TBX15: variants seen among roughly 807,000 people sequenced by gnomAD.
TBX15 encodes the protein T-box transcription factor 15.
In TBX15, 18 loss-of-function variants were observed where a neutral mutation model predicts 53.9. That is an observed-to-expected ratio of 0.33 (90% CI 0.23 to 0.49). The LOEUF (loss-of-function observed/expected upper bound fraction) is 0.49, where lower values mean the gene tolerates loss of function less well. Ranked by LOEUF, TBX15 falls within the 20% of genes least tolerant of loss-of-function variation. The pLI, the probability that TBX15 is intolerant of heterozygous loss-of-function variation, is 0.98. For synonymous variants in TBX15, 295 were observed against 278.0 expected (o/e 1.06, Z -0.61); for missense variants, 692 against 749.5 (o/e 0.92, Z 0.90).
chr1:118,889,137 C>T (rs1222406764), intron 7 of TBX15, among the ~76,000 whole-genome samples: 3 of 152,160 alleles, frequency 2.0e-5, no homozygotes, highest in African/African-American at 4.8e-5. Context: ...GAAAAGGTCA[C>T]CTTGCTTCCA....
chr1:118,902,064 A>C (rs781351689), intron 6 of TBX15, among the ~76,000 whole-genome samples: 10 of 152,076 alleles, frequency 6.6e-5, no homozygotes, highest in Non-Finnish European at 1.0e-4. Context: ...AATATATCCT[A>C]CATAGCATAT....
At chr1:118,987,553 C>T (rs1411130932) in intron 1 of TBX15, 38 bp downstream of exon 1, 4 of 1,533,250 alleles carry the variant, frequency 2.6e-6, no homozygotes, top group East Asian at 2.5e-5. Context: ...GGCGTCCCCT[C>T]TCCGCCCGCC....
At chr1:118,986,093 C>T (rs1418092370) in intron 1 of TBX15, among the ~76,000 whole-genome samples, 3 of 152,208 alleles carry the variant, frequency 2.0e-5, no homozygotes, top group Non-Finnish European at 4.4e-5. Flanking sequence ...CTGTTTTTTC[C>T]GCCGTGGGGA....
Position 118,884,487 on chromosome 1 carries a change from T to C in TBX15, c.*245A>G. ...GGCCACTCTGGAACAGACAATGCTT[T>C]ATAAAACTAAGGTCTGGGAAGGCAG... On this transcript the variant is annotated 3_prime_UTR_variant, in exon 8 of 8. Transcript: ENST00000369429. 1.8e-6 allele frequency: 1 copy of C among 556,904 alleles called. No homozygotes were observed. The highest frequency in any genetic ancestry group is 2.1e-5 in the South Asian group (1 of 47,812). 34.5% of individuals were successfully genotyped at this position (556,904 alleles called of 1,614,324 possible). A position where few individuals can be genotyped will look rare whatever the true frequency, so the allele number is the denominator to read the frequency against.
intron 7 of TBX15, among the ~76,000 whole-genome samples, chr1:118,892,010 G>C (rs1417035567): frequency 3.9e-5 from 6 of 152,144 alleles, no homozygotes. Context: ...CTGGAAGAGA[G>C]AGAAATAAAA....
intron 5 of TBX15, among the ~76,000 whole-genome samples, chr1:118,920,157 T>A (rs1386577858): frequency 6.6e-6 from 1 of 152,186 alleles, no homozygotes; most frequent in East Asian, 1.9e-4. Context: ...TTCTACATCA[T>A]ACTGTTTATT....
chr1:118,899,307 A>G (rs1654537761), intron 6 of TBX15, among the ~76,000 whole-genome samples, 182 bp from the exon 7 acceptor site: 1 of 152,170 alleles, frequency 6.6e-6, no homozygotes, highest in African/African-American at 2.4e-5. Flanking sequence ...CAGGGGGAAT[A>G]ACAAATTAAC....
chr1:118,918,916 T>C (rs528273907), intron 5 of TBX15, among the ~76,000 whole-genome samples: 1 of 152,314 alleles, frequency 6.6e-6, no homozygotes, highest in East Asian at 1.9e-4. Context: ...TTTTATTTCA[T>C]ACTATATTGC....
chr1:118,979,033 ATTCGGAGCCCTGTATC>A (rs1657546437), intron 1 of TBX15, among the ~76,000 whole-genome samples: 1 of 152,168 alleles, frequency 6.6e-6, no homozygotes, highest in South Asian at 2.1e-4. Context: ...TAGGTTTACA[ATTCGGAGCCCTGTATC>A]CTGGAGAGAT....
intron 1 of TBX15, among the ~76,000 whole-genome samples, chr1:118,965,700 G>T (rs1330835726): frequency 6.6e-6 from 1 of 152,016 alleles, no homozygotes; most frequent in African/African-American, 2.4e-5. Context: ...TAAACATTAT[G>T]AAAGATCCAC....
At chr1:118,939,482 T>G (rs1238423428) in intron 1 of TBX15, among the ~76,000 whole-genome samples, 1 of 140,472 alleles carries the variant, frequency 7.1e-6, no homozygotes, top group Non-Finnish European at 1.5e-5. Flanking sequence ...CTTTTATAAG[T>G]GAGAGCTAAA....
At position 118,924,558 on chromosome 1, in the gene TBX15, T is replaced by C. The variant is rs189451226; in HGVS notation, c.693+88A>G. ...AAAGTGGCATAGAGATTCCTTATTT[T>C]ACCTATTTGAAAAAGACTGGGGCTA... On this transcript the variant is annotated intron_variant, in intron 4 of 7. Coordinates refer to ENST00000369429, the MANE Select transcript of TBX15 (RefSeq NM_001330677.2). 4.0e-6 allele frequency: 6 copies of C among 1,500,454 alleles called. No individual in the cohort carries two copies. In the East Asian group the frequency reaches 1.4e-4, roughly 34 times the overall value. 92.9% of individuals were successfully genotyped at this position (1,500,454 alleles called of 1,614,324 possible). A position where few individuals can be genotyped will look rare whatever the true frequency, so the allele number is the denominator to read the frequency against.
intron 6 of TBX15, among the ~76,000 whole-genome samples, chr1:118,911,391 G>A (rs1048844729): frequency 2.0e-5 from 3 of 152,100 alleles, no homozygotes; most frequent in African/African-American, 2.4e-5. Flanking sequence ...ATGGATTAAC[G>A]AAGATCCATA....
intron 1 of TBX15, among the ~76,000 whole-genome samples, chr1:118,954,917 G>A (rs1185668153): frequency 2.6e-5 from 4 of 152,242 alleles, no homozygotes; most frequent in Admixed American, 2.6e-4. Context: ...ACCATAAAGA[G>A]GGAAGAGTCC....
At chr1:118,900,396 TC>T (rs1366615518) in intron 6 of TBX15, among the ~76,000 whole-genome samples, 1 of 152,182 alleles carries the variant, frequency 6.6e-6, no homozygotes, top group Non-Finnish European at 1.5e-5. Context: ...AGAACAAATA[TC>T]CTTTACTTAT....
intron 1 of TBX15, among the ~76,000 whole-genome samples, chr1:118,965,349 G>C (rs1179451910): frequency 6.6e-6 from 1 of 152,156 alleles, no homozygotes; most frequent in Admixed American, 6.5e-5. Context: ...GAACAGAAGA[G>C]AATTTATGAT....
intron 1 of TBX15, among the ~76,000 whole-genome samples, chr1:118,985,177 C>T (rs1331590656): frequency 6.6e-6 from 1 of 152,030 alleles, no homozygotes; most frequent in Non-Finnish European, 1.5e-5. Flanking sequence ...GGTTTGTTAT[C>T]GGCCTAGGGC....
chr1:118,940,530 A>G (rs1656138316), intron 1 of TBX15, among the ~76,000 whole-genome samples: 1 of 151,872 alleles, frequency 6.6e-6, no homozygotes. Flanking sequence ...AGTGGGCCCT[A>G]CTTGTGCAGA....
intron 5 of TBX15, among the ~76,000 whole-genome samples, chr1:118,922,913 A>C (rs1291455121): frequency 8.2e-6 from 1 of 121,952 alleles, no homozygotes; most frequent in African/African-American, 3.0e-5. Flanking sequence ...TTATTGTCAC[A>C]TCACTGCCTT....
Sources: gnomAD v4.1 joint callset for allele counts (sites outside exome capture counted in the v4.1 genomes callset) on GRCh38, gnomAD v4.1.1 for gene constraint, MANE v1.5 for transcripts, NCBI Gene and HGNC (gene_info 2026-07-23, HGNC 2026-07-21) for gene names.